CNOT4: variants seen among roughly 807,000 people sequenced by gnomAD.
CNOT4 encodes the protein CCR4-NOT transcription complex subunit 4, also known as CCR4-associated factor 4.
In CNOT4, 8 loss-of-function variants were observed where a neutral mutation model predicts 73.8. The observed-to-expected ratio is 0.11, with a 90% CI of 0.06 to 0.20. The LOEUF is 0.20. Among genes scored for constraint, CNOT4 ranks in the 10% least tolerant of loss-of-function variants. The pLI is 1.00. For missense variants in CNOT4, 564 were observed against 883.4 expected (o/e 0.64, Z 4.58); for synonymous variants, 293 against 321.1 (o/e 0.91, Z 0.94).
At chr7:135,397,910 A>G (rs1796784954) in intron 8 of CNOT4, among the ~76,000 whole-genome samples, 2 of 152,252 alleles carry the variant, frequency 1.3e-5, no homozygotes, top group South Asian at 4.1e-4. Flanking sequence ...CACAGGGTCA[A>G]AAAGACCAAT....
chr7:135,397,296 T>C (rs1796745731), intron 8 of CNOT4, among the ~76,000 whole-genome samples: 1 of 152,134 alleles, frequency 6.6e-6, no homozygotes, highest in Non-Finnish European at 1.5e-5. Flanking sequence ...CAAAACATTA[T>C]GATGGGATAT....
At chr7:135,490,785 T>C (rs1803060304) in intron 1 of CNOT4, among the ~76,000 whole-genome samples, 1 of 152,188 alleles carries the variant, frequency 6.6e-6, no homozygotes, top group Admixed American at 6.5e-5. Context: ...TCTCTTGCCA[T>C]ATGACTTAAA....
chr7:135,460,190 T>A (rs971165461), intron 1 of CNOT4, among the ~76,000 whole-genome samples: 1 of 152,232 alleles, frequency 6.6e-6, no homozygotes, highest in African/African-American at 2.4e-5. Context: ...TTTCTCCATG[T>A]CCACAATAAG....
chr7:135,384,856 G>C, intron 10 of CNOT4: 1 of 666,818 alleles, frequency 1.5e-6, no homozygotes, highest in Admixed American at 2.2e-5. Context: ...ACACTAAGTA[G>C]TCAATGATTG....
chr7:135,410,006 C>T (rs1797506102), intron 7 of CNOT4, among the ~76,000 whole-genome samples: 1 of 151,946 alleles, frequency 6.6e-6, no homozygotes, highest in Non-Finnish European at 1.5e-5. Flanking sequence ...GACTGGTCTC[C>T]TAAGATAAGT....
At chr7:135,388,165 T>C in intron 10 of CNOT4, 1 of 985,286 alleles carries the variant, frequency 1.0e-6, no homozygotes, top group African/African-American at 1.7e-5. Context: ...CTTTTAACCA[T>C]CTATGCATAA....
At chr7:135,397,848 C>T (rs17168422) in intron 8 of CNOT4, among the ~76,000 whole-genome samples, 4 of 151,948 alleles carry the variant, frequency 2.6e-5, no homozygotes, top group Admixed American at 6.6e-5. Flanking sequence ...GGTAGGAATA[C>T]AATTCTTAAA....
At chr7:135,417,677 A>G (rs1344308155) in intron 3 of CNOT4, among the ~76,000 whole-genome samples, 1 of 152,180 alleles carries the variant, frequency 6.6e-6, no homozygotes, top group Non-Finnish European at 1.5e-5. Flanking sequence ...GTTCTTAAGA[A>G]CATTCAAAAG....
At position 135,361,892 on chromosome 7, in the gene CNOT4, C is replaced by G. The variant is rs918399171; in HGVS notation, c.*993G>C. On this transcript the variant is annotated 3_prime_UTR_variant, in exon 12 of 12. Transcript: ENST00000541284. ...TTTTAGTTTTAGCGTCAGGTTATAACCAGGTTTCTGTTTTCTTTTCTCCTG... is the reference window on the plus strand; with the variant it reads ...TTTTAGTTTTAGCGTCAGGTTATAAGCAGGTTTCTGTTTTCTTTTCTCCTG... 6.6e-6 allele frequency: 1 copy of G among 152,574 alleles called. No homozygotes were observed. Among genetic ancestry groups the G allele is most frequent in the African/African-American group, 2.4e-5 (1 of 41,416 alleles). 9.5% of individuals were successfully genotyped at this position (152,574 alleles called of 1,614,324 possible).
rs2129482377 is a variant in CNOT4 at position 135,364,837 on chromosome 7, T to A, written c.1628-771A>T. Among the ~76,000 whole-genome samples the A allele has an allele frequency of 6.6e-6, 1 of 152,370 alleles. No individual in the cohort carries two copies. Among genetic ancestry groups the A allele is most frequent in the African/African-American group, 2.4e-5 (1 of 41,590 alleles). ...CACTAGCAACATAGAAAAGGCTTTT[T>A]ATAAATTGTGACTAAACTAACTTGA... On this transcript the variant is annotated intron_variant, in intron 10 of 11. Coordinates refer to ENST00000541284, the MANE Select transcript of CNOT4 (RefSeq NM_001190850.2). This position sits in a 1 kb window ranked among gnomAD's most constrained non-coding sequence, Gnocchi z 4.3.
intron 1 of CNOT4, among the ~76,000 whole-genome samples, chr7:135,457,259 T>C (rs769358497): frequency 3.9e-5 from 6 of 151,900 alleles, no homozygotes; most frequent in Non-Finnish European, 7.4e-5. Flanking sequence ...CAGTATTATC[T>C]AACTGTACTT....
At chr7:135,433,655 A>C (rs1463536504) in intron 2 of CNOT4, among the ~76,000 whole-genome samples, 2 of 151,934 alleles carry the variant, frequency 1.3e-5, no homozygotes, top group Admixed American at 6.6e-5. Flanking sequence ...ACCATGTCCA[A>C]ACCACCATCC....
chr7:135,408,764 C>T (rs1797440168), intron 7 of CNOT4, among the ~76,000 whole-genome samples: 1 of 152,138 alleles, frequency 6.6e-6, no homozygotes. Context: ...ATGGGGAGAA[C>T]AGGCAAAGTC....
intron 2 of CNOT4, among the ~76,000 whole-genome samples, chr7:135,429,561 C>T (rs1798697618): frequency 6.6e-6 from 1 of 152,130 alleles, no homozygotes; most frequent in Non-Finnish European, 1.5e-5. Context: ...GTCAGTTCCC[C>T]TCATCAAACA....
intron 10 of CNOT4, among the ~76,000 whole-genome samples, chr7:135,366,562 C>A (rs1029590606): frequency 2.0e-5 from 3 of 152,076 alleles, no homozygotes; most frequent in African/African-American, 7.2e-5. Flanking sequence ...TTACAGGATA[C>A]CTTGGGAAAT....
At chr7:135,431,718 G>A (rs536653085) in intron 2 of CNOT4, among the ~76,000 whole-genome samples, 1 of 150,588 alleles carries the variant, frequency 6.6e-6, no homozygotes, top group Admixed American at 6.7e-5. Flanking sequence ...ACTCCAGCCT[G>A]GGTGACATGA....
chr7:135,388,867 A>G, intron 10 of CNOT4: 1 of 1,613,104 alleles, frequency 6.2e-7, no homozygotes, highest in Non-Finnish European at 8.5e-7. Context: ...TGACAGTGGC[A>G]TGGTCGAAAC....
At chr7:135,435,584 T>C (rs181315949) in intron 2 of CNOT4, among the ~76,000 whole-genome samples, 40 of 152,324 alleles carry the variant, frequency 2.6e-4, no homozygotes, top group African/African-American at 8.4e-4. Flanking sequence ...GTACCAATGA[T>C]AGTTTTAAAT....
At chr7:135,497,537 C>CA (rs75226420) in intron 1 of CNOT4, among the ~76,000 whole-genome samples, 20 of 150,636 alleles carry the variant, frequency 1.3e-4, no homozygotes, top group African/African-American at 2.7e-4. Flanking sequence ...CAGAACAGAC[C>CA]AAAAAAAAAT....
Sources: gnomAD v4.1 joint callset for allele counts (sites outside exome capture counted in the v4.1 genomes callset) on GRCh38, gnomAD v4.1.1 for gene constraint, Gnocchi (gnomAD v3.1) non-coding constraint, MANE v1.5 for transcripts, NCBI Gene and HGNC (gene_info 2026-07-23, HGNC 2026-07-21) for gene names.